The following ANK2 variants were observed in gnomAD, a reference collection of about 807,000 sequenced individuals.
The protein encoded by ANK2 is ankyrin-2.
ANK2 carries 83 observed loss-of-function variants against 360.5 expected under a neutral mutation model. That is an observed-to-expected ratio of 0.23 (90% confidence interval 0.19 to 0.28). The LOEUF (loss-of-function observed/expected upper bound fraction) is 0.28, where lower values mean the gene tolerates loss of function less well. Among genes scored for constraint, ANK2 ranks in the 10% least tolerant of loss-of-function variants. The pLI is 1.00. For missense variants in ANK2, 4,201 were observed against 4,795.7 expected, an observed-to-expected ratio of 0.88 and a Z score of 3.66; for synonymous variants, 1,740 against 1,759.5, an observed-to-expected ratio of 0.99 and a Z score of 0.28.
At chr4:113,110,736 A>G (rs914277449) in intron 1 of ANK2, among the ~76,000 whole-genome samples, 3 of 152,144 alleles carry the variant, frequency 2.0e-5, no homozygotes, top group Non-Finnish European at 4.4e-5. Flanking sequence ...AACATGTTTT[A>G]TAAGTATTCT....
chr4:113,325,263 G>A (rs1202573030), intron 26 of ANK2, among the ~76,000 whole-genome samples: 1 of 152,130 alleles, frequency 6.6e-6, no homozygotes, highest in African/African-American at 2.4e-5. Flanking sequence ...AAGCAAAAAT[G>A]ATATATATTT....
chr4:113,358,721 T>C lies in ANK2; in HGVS notation c.10103T>C (p.Val3368Ala), dbSNP rs1340663240. The C allele has an allele frequency of 3.1e-6, 5 of 1,614,054 alleles. No individual in the cohort carries two copies. Among genetic ancestry groups the C allele is most frequent in the Non-Finnish European group, 3.4e-6 (4 of 1,179,964 alleles). ...EQQLSDLDTSVQKTVAPQGQD... is the reference protein window; with the variant it reads ...EQQLSDLDTSAQKTVAPQGQD... ...CAGCTCTCAGATCTAGACACCTCTG[T>C]CCAGAAGACAGTGGCTCCTCAGGGA... Residue 3368 changes from valine to alanine, a missense_variant, in exon 38 of 46, where the codon GTC becomes GCC. Physicochemically the swap from Val to Ala is moderately conservative, Grantham distance 64. Transcript: ENST00000357077.
At chr4:112,811,722 A>C in the ANK2 span, among the ~76,000 whole-genome samples, 1 of 152,130 alleles carries the variant, frequency 6.6e-6, no homozygotes, top group African/African-American at 2.4e-5. Flanking sequence ...TCCAATTGTT[A>C]GTGTTTTTGC....
chr4:113,269,315 GGTGGTATGA>G (rs2057564177), intron 14 of ANK2, among the ~76,000 whole-genome samples: 1 of 152,118 alleles, frequency 6.6e-6, no homozygotes, highest in Non-Finnish European at 1.5e-5. Context: ...CAGGCGCCAC[GGTGGTATGA>G]AAAAAAACTC....
intron 26 of ANK2, among the ~76,000 whole-genome samples, chr4:113,319,106 T>C (rs1027039800): frequency 6.6e-6 from 1 of 152,198 alleles, no homozygotes; most frequent in Non-Finnish European, 1.5e-5. Context: ...TTGTTTGAAG[T>C]AGGGATATAA....
chr4:112,953,531 T>C (rs1371760244), intron 2 of ANK2, among the ~76,000 whole-genome samples: 2 of 152,256 alleles, frequency 1.3e-5, no homozygotes, highest in Non-Finnish European at 2.9e-5. Context: ...GTTGGGAGAA[T>C]CCCATTACTT....
intron 2 of ANK2, among the ~76,000 whole-genome samples, chr4:112,971,656 T>G (rs1227617037): frequency 3.3e-5 from 5 of 152,194 alleles, no homozygotes; most frequent in Non-Finnish European, 7.3e-5. Flanking sequence ...AAGAAATACA[T>G]TGGTTCCTTC....
Position 113,367,826 on chromosome 4 carries a change from T to C in ANK2, c.11293T>C (p.Ser3765Pro), listed in dbSNP as rs770370534. The C allele has an allele frequency of 3.7e-6, 6 of 1,614,122 alleles. No individual in the cohort carries two copies. The South Asian group carries it at 5.5e-5, about 15-fold the overall frequency. The change falls in exon 42 of 46, where the codon TCT becomes CCT. Residue 3765 changes from serine to proline, a missense_variant. By Grantham distance (74) the Ser-to-Pro change is moderately conservative. This residue lies in a region of ANK2 where 2,642 missense variants were observed against 2,714.5 expected (regional missense o/e 0.97). Transcript: ENST00000357077. ...GKMQDLPEES[S>P]LEYQQEYFVT... ...AATGCAAGACCTGCCTGAAGAGTCA[T>C]CTCTGGAATATCAGCAGGAATATTT... is the stretch of plus-strand genomic sequence containing the variant.
In ANK2 at chr4:113,369,418, G is replaced by A. The variant is rs750960352; in HGVS notation, c.11319-96G>A. The A allele has an allele frequency of 6.7e-4, 892 of 1,335,090 alleles. 1 individual carries two copies. Among genetic ancestry groups the A allele is most frequent in the Non-Finnish European group, 8.5e-4 (794 of 938,382 alleles). The allele number at this position is 1,335,090 out of a possible 1,614,324, so 82.7% of individuals were successfully genotyped here. ...AACTATTTTGACTGTCATAGACTAT[G>A]GAAAAACCAGCTCCATCTTGCCTTT... On this transcript the variant is annotated intron_variant, in intron 42 of 45. Coordinates refer to ENST00000357077, the MANE Select transcript of ANK2 (RefSeq NM_001148.6).
At chr4:113,017,609 G>C (rs2056983460) in intron 2 of ANK2, among the ~76,000 whole-genome samples, 1 of 152,150 alleles carries the variant, frequency 6.6e-6, no homozygotes, top group Non-Finnish European at 1.5e-5. Flanking sequence ...CATATTATTT[G>C]GGTTCCATCC....
the ANK2 span, among the ~76,000 whole-genome samples, chr4:112,772,840 G>A: frequency 1.3e-5 from 2 of 151,550 alleles, no homozygotes; most frequent in Non-Finnish European, 2.9e-5. Context: ...AATTAATGAG[G>A]TGCTCCATCC....
intron 2 of ANK2, among the ~76,000 whole-genome samples, chr4:113,020,190 A>G (rs1180463514): frequency 6.6e-6 from 1 of 151,884 alleles, no homozygotes; most frequent in East Asian, 1.9e-4. Context: ...TTGTTTGTTC[A>G]TTTCTTTTTT....
At chr4:112,811,615 A>T in the ANK2 span, among the ~76,000 whole-genome samples, 1 of 152,200 alleles carries the variant, frequency 6.6e-6, no homozygotes, top group Non-Finnish European at 1.5e-5. Flanking sequence ...ATTAGTATCC[A>T]GTGCCTTTAT....
intron 1 of ANK2, among the ~76,000 whole-genome samples, chr4:113,058,735 G>A (rs1280879338): frequency 6.6e-6 from 1 of 152,016 alleles, no homozygotes; most frequent in African/African-American, 2.4e-5. Flanking sequence ...ATGAAAATCA[G>A]GAAGGAAAGA....
the ANK2 span, among the ~76,000 whole-genome samples, chr4:112,781,492 A>T: frequency 1.3e-4 from 20 of 152,328 alleles, no homozygotes; most frequent in African/African-American, 3.8e-4. Flanking sequence ...GAAAGAAAAA[A>T]AACAAATTGT....
chr4:113,000,802 G>A (rs775267030), intron 2 of ANK2, among the ~76,000 whole-genome samples: 1 of 152,134 alleles, frequency 6.6e-6, no homozygotes, highest in Non-Finnish European at 1.5e-5. Context: ...TAGTCTTCAT[G>A]ACTGAACAAT....
At chr4:112,938,981 G>T (rs114194242) in intron 2 of ANK2, among the ~76,000 whole-genome samples, 2,495 of 152,184 alleles carry the variant, frequency 0.016, 48 homozygotes, top group African/African-American at 0.048. Flanking sequence ...AAAATAAAAA[G>T]ATTATTTACA....
chr4:112,874,852 C>T (rs1266761829), intron 1 of ANK2, among the ~76,000 whole-genome samples: 1 of 151,936 alleles, frequency 6.6e-6, no homozygotes, highest in African/African-American at 2.4e-5. Flanking sequence ...CGATTGCATC[C>T]CCGGGGCGTA....
chr4:113,101,074 A>C (rs904273688), intron 1 of ANK2, among the ~76,000 whole-genome samples: 1 of 152,134 alleles, frequency 6.6e-6, no homozygotes, highest in African/African-American at 2.4e-5. Context: ...AATACATGAC[A>C]CAATGTACTT....
Sources: allele counts gnomAD v4.1 joint callset (sites outside exome capture counted in the v4.1 genomes callset), GRCh38; gene constraint gnomAD v4.1.1; regional missense constraint gnomAD v4.1.1; transcripts MANE v1.5; gene names NCBI Gene and HGNC (gene_info 2026-07-23, HGNC 2026-07-21).